The following HLA-DPA1 variants were observed in gnomAD, a reference collection of about 807,000 sequenced individuals.
HLA-DPA1 encodes the protein HLA class II histocompatibility antigen, DP alpha 1 chain.
HLA-DPA1 carries 20 observed loss-of-function variants against 21.5 expected under a neutral mutation model. The observed-to-expected ratio is 0.93, with a 90% CI of 0.66 to 1.35. HLA-DPA1 has a LOEUF of 1.35. Among genes scored for constraint, HLA-DPA1 ranks in the 40% most tolerant of loss-of-function variants. The pLI is 0.00. For synonymous variants in HLA-DPA1, 123 were observed against 129.6 expected (o/e 0.95, Z 0.35); for missense variants, 279 against 323.0 (o/e 0.86, Z 1.05).
intron 2 of HLA-DPA1, 26 bp downstream of exon 1, chr6:33,073,445 G>T (rs377625773): frequency 8.7e-6 from 13 of 1,490,226 alleles, no homozygotes; most frequent in Non-Finnish European, 1.2e-5. Flanking sequence ...TCACCCCGAC[G>T]CTCCTGCGTC....
chr6:33,067,893 A>AG (rs201330042), intron 5 of HLA-DPA1: 44,019 of 152,036 alleles, frequency 0.29, 8,439 homozygotes, highest in East Asian at 0.69. Context: ...AATGATGATC[A>AG]TATAATGAAC....
intron 2 of HLA-DPA1, among the ~76,000 whole-genome samples, chr6:33,072,790 C>G (rs1241510430): frequency 6.6e-6 from 1 of 152,176 alleles, no homozygotes; most frequent in Non-Finnish European, 1.5e-5. Flanking sequence ...TTGCAGCTAT[C>G]AAAAGTCTAG....
chr6:33,078,333 G>A (rs1035977090), intron 1 of HLA-DPA1, among the ~76,000 whole-genome samples: 9 of 152,120 alleles, frequency 5.9e-5, no homozygotes, highest in Non-Finnish European at 1.3e-4. Context: ...GGAGCCATAG[G>A]GGAGTGGGTA....
intron 1 of HLA-DPA1, among the ~76,000 whole-genome samples, chr6:33,077,800 C>A (rs1265884972): frequency 6.6e-6 from 1 of 152,200 alleles, no homozygotes; most frequent in African/African-American, 2.4e-5. Flanking sequence ...GACATCATGT[C>A]ACCTCCTCAT....
chr6:33,066,360 A>G (rs1274461216), intron 5 of HLA-DPA1: 1 of 152,230 alleles, frequency 6.6e-6, no homozygotes, highest in Non-Finnish European at 1.5e-5. Flanking sequence ...GAAAAGGTGA[A>G]CTATTTAGTA....
At chr6:33,074,545 A>G (rs1291218640) in intron 1 of HLA-DPA1, among the ~76,000 whole-genome samples, 1 of 152,124 alleles carries the variant, frequency 6.6e-6, no homozygotes, top group Non-Finnish European at 1.5e-5. Context: ...ACTCATAGAG[A>G]AGGTCACAAA....
At position 33,071,320 on chromosome 6, in the gene HLA-DPA1, G is replaced by C. The variant is rs140124484; in HGVS notation, c.101-1434C>G. ...GGTATTTCACTAGGAAACTTAGCTTGCTCCTCAGTTTAAAGGACTCAAAGG... is the reference window on the plus strand; with the variant it reads ...GGTATTTCACTAGGAAACTTAGCTTCCTCCTCAGTTTAAAGGACTCAAAGG... On this transcript the variant is annotated intron_variant, in intron 2 of 5. Coordinates refer to ENST00000419277, the Ensembl canonical transcript of HLA-DPA1. 3.5e-3 allele frequency among the ~76,000 whole-genome samples: 538 copies of C among 152,304 alleles called. 2 individuals are homozygous for C. Among genetic ancestry groups the C allele is most frequent in the East Asian group, 0.026 (133 of 5,182 alleles).
intron 1 of HLA-DPA1, among the ~76,000 whole-genome samples, chr6:33,077,043 A>G (rs1006217139): frequency 2.0e-5 from 3 of 150,152 alleles, no homozygotes; most frequent in African/African-American, 7.3e-5. Context: ...TACATTAGGT[A>G]TATTTCCTAA....
chr6:33,070,998 T>C lies in HLA-DPA1; in HGVS notation c.101-1112A>G, dbSNP rs148836028. ...TTATCATGAAAGAAAACGATGAATG[T>C]GTATGTGAAAGTCTGGGTTTAGAAT... On this transcript the variant is annotated intron_variant, in intron 2 of 5. Coordinates refer to ENST00000419277, the Ensembl canonical transcript of HLA-DPA1. Among the ~76,000 whole-genome samples, 41 of 152,242 alleles carry C rather than the reference T, an allele frequency of 2.7e-4. 1 individual carries two copies. The East Asian group carries it at 5.8e-3, about 21-fold the overall frequency.
chr6:33,073,515 G>C, exon 2 of HLA-DPA1: 1 of 1,613,034 alleles, frequency 6.2e-7, no homozygotes, highest in Non-Finnish European at 8.5e-7. Context: ...GAAAGCCAAG[G>C]AGAGGGCTCT....
chr6:33,069,388 A>T (rs1202745513), intron 3 of HLA-DPA1, 88 bp from the exon 3 acceptor site: 1 of 1,340,270 alleles, frequency 7.5e-7, no homozygotes, highest in East Asian at 2.4e-5. Flanking sequence ...CCTCTACCTC[A>T]GCCTTAGATT....
At chr6:33,067,322 C>T (rs989300814) in intron 5 of HLA-DPA1, 26 of 151,852 alleles carry the variant, frequency 1.7e-4, no homozygotes, top group African/African-American at 5.8e-4. Flanking sequence ...GTCCCCTCTC[C>T]GGGTAATGAG....
At chr6:33,077,680 A>C (rs1762615915) in intron 1 of HLA-DPA1, among the ~76,000 whole-genome samples, 2 of 152,154 alleles carry the variant, frequency 1.3e-5, no homozygotes, top group South Asian at 4.1e-4. Flanking sequence ...CTCTGAGAGG[A>C]AGGACTGCAA....
At chr6:33,069,460 C>T in intron 3 of HLA-DPA1, 160 bp from the exon 3 acceptor site, 1 of 1,030,802 alleles carries the variant, frequency 9.7e-7, no homozygotes, top group Non-Finnish European at 1.4e-6. Context: ...ACTCTGCTCA[C>T]CTTTCTCTCT....
chr6:33,066,723 A>T (rs1761975219), intron 5 of HLA-DPA1: 2 of 152,238 alleles, frequency 1.3e-5, no homozygotes, highest in Non-Finnish European at 2.9e-5. Context: ...ATCAATAAGA[A>T]AATGATGGAA....
chr6:33,066,128 A>G (rs1311850342), intron 5 of HLA-DPA1: 1 of 152,186 alleles, frequency 6.6e-6, no homozygotes, highest in African/African-American at 2.4e-5. Context: ...TCTGTTACAA[A>G]TCATTATAGA....
intron 1 of HLA-DPA1, among the ~76,000 whole-genome samples, chr6:33,075,118 T>C (rs1349156237): frequency 2.0e-5 from 3 of 152,218 alleles, no homozygotes; most frequent in Admixed American, 2.0e-4. Context: ...ATCAGATGCT[T>C]TGAAGGAGGT....
rs1350491198 is a variant in HLA-DPA1 at position 33,080,021 on chromosome 6, T to A, written c.-100+659A>T. The stretch of plus-strand genomic sequence containing the variant: ...ACTTTCCACATCTTTTGACACCAAG[T>A]CTTTCTGCAGCCATGTTTGAAAATT... On this transcript the variant is annotated intron_variant, in intron 1 of 5. Coordinates refer to ENST00000419277, the Ensembl canonical transcript of HLA-DPA1. This position sits in a 1 kb window ranked among gnomAD's most constrained non-coding sequence, Gnocchi z 4.3. Among the ~76,000 whole-genome samples the A allele has an allele frequency of 6.6e-6, 1 of 152,210 alleles. No individual in the cohort carries two copies. The highest frequency in any genetic ancestry group is 1.5e-5 in the Non-Finnish European group (1 of 68,030).
At chr6:33,078,868 C>T (rs375832885) in intron 1 of HLA-DPA1, among the ~76,000 whole-genome samples, 2 of 152,142 alleles carry the variant, frequency 1.3e-5, no homozygotes, top group Non-Finnish European at 2.9e-5. Flanking sequence ...GGAGAATCCA[C>T]ACTCAGAGTG....
Sources: allele counts gnomAD v4.1 joint callset (sites outside exome capture counted in the v4.1 genomes callset), GRCh38; gene constraint gnomAD v4.1.1; non-coding constraint Gnocchi (gnomAD v3.1); transcripts MANE v1.5; gene names NCBI Gene and HGNC (gene_info 2026-07-23, HGNC 2026-07-21).